Variants in POT1 observed in about 807,000 individuals in gnomAD.
POT1 encodes protection of telomeres protein 1.
In POT1, 47 loss-of-function variants were observed where a neutral mutation model predicts 78.5. The ratio of observed to expected loss-of-function variants is 0.60; its 90% CI spans 0.47 to 0.76. POT1 has a LOEUF of 0.76. Among genes scored for constraint, POT1 ranks in the 30% least tolerant of loss-of-function variants. The pLI, the probability that POT1 is intolerant of heterozygous loss-of-function variation, is 0.00. For missense variants in POT1, 646 were observed against 749.9 expected (o/e 0.86, Z 1.62); for synonymous variants, 259 against 260.7 (o/e 0.99, Z 0.06).
chr7:124,858,905 T>A (rs760679420), intron 9 of POT1, 52 bp downstream of exon 9: 2 of 1,392,850 alleles, frequency 1.4e-6, no homozygotes, highest in Admixed American at 4.1e-5. Flanking sequence ...TGAGCAAAAA[T>A]CACTATAATT....
At chr7:124,848,433 G>A (rs931760451) in intron 11 of POT1, 2 of 152,354 alleles carry the variant, frequency 1.3e-5, no homozygotes, top group Non-Finnish European at 1.5e-5. Context: ...AGGAGGCCGA[G>A]GCGGGCAGAT....
At chr7:124,865,004 C>T (rs891036036) in intron 7 of POT1, among the ~76,000 whole-genome samples, 1 of 152,168 alleles carries the variant, frequency 6.6e-6, no homozygotes, top group African/African-American at 2.4e-5. Context: ...GATATGCTGC[C>T]ATGGACTATC....
chr7:124,891,052 C>G (rs944161896), intron 6 of POT1, among the ~76,000 whole-genome samples: 4 of 151,624 alleles, frequency 2.6e-5, no homozygotes, highest in African/African-American at 9.7e-5. Context: ...CAGTGTTGTT[C>G]AAGTTTTCTG....
chr7:124,856,901 A>T (rs1182354617), intron 9 of POT1, among the ~76,000 whole-genome samples: 2 of 152,222 alleles, frequency 1.3e-5, no homozygotes, highest in Non-Finnish European at 2.9e-5. Flanking sequence ...TATATCTTCA[A>T]CAGTCAGTGT....
At chr7:124,871,945 A>G (rs1795881271) in intron 6 of POT1, among the ~76,000 whole-genome samples, 1 of 152,110 alleles carries the variant, frequency 6.6e-6, no homozygotes, top group African/African-American at 2.4e-5. Context: ...TATAGTCACT[A>G]TGTTATACAA....
intron 6 of POT1, among the ~76,000 whole-genome samples, chr7:124,877,078 C>T (rs1362836737): frequency 2.6e-5 from 4 of 152,162 alleles, no homozygotes; most frequent in Non-Finnish European, 5.9e-5. Context: ...CACCAAGTCA[C>T]ATAATTGTGA....
rs918544207 is a variant in POT1, at chr7:124,856,254, G to T, written c.702+2703C>A. 2.0e-5 allele frequency among the ~76,000 whole-genome samples: 3 copies of T among 152,154 alleles called. No homozygotes were observed. In the South Asian group the frequency reaches 6.2e-4, roughly 31 times the overall value. ...AAGAATTCATTTATATCAATGTCAC[G>T]TGAGTGAAGAGTTCCTAAATTAAGA... On this transcript the variant is annotated intron_variant, in intron 9 of 18. Transcript: ENST00000357628.
chr7:124,856,190 A>G (rs999681051), intron 9 of POT1, among the ~76,000 whole-genome samples: 1 of 152,208 alleles, frequency 6.6e-6, no homozygotes, highest in Non-Finnish European at 1.5e-5. Flanking sequence ...ATTTTGACAC[A>G]AAAACGTAAT....
chr7:124,847,611 A>G (rs1261165763), intron 11 of POT1, among the ~76,000 whole-genome samples: 1 of 152,262 alleles, frequency 6.6e-6, no homozygotes, highest in African/African-American at 2.4e-5. Context: ...TTAAAAAATA[A>G]CAAAGTTGGA....
chr7:124,850,903 TAGA>T (rs1795291185), intron 11 of POT1, among the ~76,000 whole-genome samples: 1 of 128,474 alleles, frequency 7.8e-6, no homozygotes, highest in Non-Finnish European at 1.7e-5. Flanking sequence ...AGGAGTTAGG[TAGA>T]AAAAAAAAAA....
At chr7:124,875,528 C>G (rs557589099) in intron 6 of POT1, among the ~76,000 whole-genome samples, 11 of 152,158 alleles carry the variant, frequency 7.2e-5, no homozygotes, top group African/African-American at 2.6e-4. Flanking sequence ...AATTTGTGCC[C>G]ATGGTCAGTG....
At chr7:124,838,472 G>C (rs1794946897) in intron 14 of POT1, among the ~76,000 whole-genome samples, 2 of 152,004 alleles carry the variant, frequency 1.3e-5, no homozygotes, top group South Asian at 4.2e-4. Context: ...GGATTTATAA[G>C]GTTTATCTGA....
chr7:124,897,405 G>T (rs911211819), intron 4 of POT1, among the ~76,000 whole-genome samples, 193 bp from the exon 5 acceptor site: 1 of 150,864 alleles, frequency 6.6e-6, no homozygotes, highest in Non-Finnish European at 1.5e-5. Flanking sequence ...AAAAAAAAAG[G>T]CAAAGATATA....
chr7:124,907,263 C>T (rs1796787087), intron 3 of POT1, among the ~76,000 whole-genome samples: 2 of 152,116 alleles, frequency 1.3e-5, no homozygotes, highest in Admixed American at 1.3e-4. Flanking sequence ...TCATCCCTGT[C>T]ACATTGCCTT....
intron 14 of POT1, among the ~76,000 whole-genome samples, chr7:124,838,930 A>C (rs1794960622): frequency 6.6e-6 from 1 of 152,168 alleles, no homozygotes; most frequent in Non-Finnish European, 1.5e-5. Flanking sequence ...AATCCCAGCA[A>C]GTTATTTTTG....
chr7:124,868,372 A>T (rs1210648380), intron 7 of POT1, among the ~76,000 whole-genome samples: 1 of 152,182 alleles, frequency 6.6e-6, no homozygotes, highest in Admixed American at 6.5e-5. Flanking sequence ...TATATAAAAC[A>T]TAAAATTAAA....
At chr7:124,926,411 G>A (rs529951139) in intron 2 of POT1, among the ~76,000 whole-genome samples, 5 of 152,134 alleles carry the variant, frequency 3.3e-5, no homozygotes, top group Admixed American at 6.6e-5. Context: ...CAATCAGAAT[G>A]GGTATTAAAA....
At chr7:124,852,705 GGA>G (rs1464746180) in intron 10 of POT1, among the ~76,000 whole-genome samples, 31 of 152,040 alleles carry the variant, frequency 2.0e-4, no homozygotes, top group African/African-American at 7.2e-4. Context: ...TGCTGTACTT[GGA>G]GAGTGTGGTA....
At chr7:124,866,764 C>T (rs1282928401) in intron 7 of POT1, among the ~76,000 whole-genome samples, 2 of 152,156 alleles carry the variant, frequency 1.3e-5, no homozygotes, top group African/African-American at 4.8e-5. Flanking sequence ...ATCATAGCTA[C>T]CCATTGTCCG....
Sources: allele counts gnomAD v4.1 joint callset (sites outside exome capture counted in the v4.1 genomes callset), GRCh38; gene constraint gnomAD v4.1.1; transcripts MANE v1.5; gene names NCBI Gene and HGNC (gene_info 2026-07-23, HGNC 2026-07-21).